The following LHFPL3 variants were observed in gnomAD, a reference collection of about 807,000 sequenced individuals.
LHFPL3 encodes the protein LHFPL tetraspan subfamily member 3 protein.
Under a neutral mutation model 19.3 loss-of-function variants are expected in LHFPL3, and 5 were observed. The observed-to-expected ratio is 0.26, with a 90% CI of 0.14 to 0.54. LHFPL3 has a LOEUF of 0.54. Among genes scored for constraint, LHFPL3 ranks in the 20% least tolerant of loss-of-function variants. LHFPL3 has a pLI of 0.94. For missense variants in LHFPL3, 249 were observed against 307.4 expected, an observed-to-expected ratio of 0.81 and a Z score of 1.42; for synonymous variants, 133 against 126.2, an observed-to-expected ratio of 1.05 and a Z score of -0.36.
intron 1 of LHFPL3, among the ~76,000 whole-genome samples, chr7:104,674,089 ATTTT>A (rs34190904): frequency 7.2e-6 from 1 of 139,648 alleles, no homozygotes; most frequent in Non-Finnish European, 1.6e-5. Context: ...TTGCTGCATG[ATTTT>A]TTTTTTTTTT....
chr7:104,404,419 C>T (rs1791376221), intron 1 of LHFPL3, among the ~76,000 whole-genome samples: 1 of 152,136 alleles, frequency 6.6e-6, no homozygotes, highest in South Asian at 2.1e-4. Context: ...TTATGCAATT[C>T]AGTAGAGATC....
intron 1 of LHFPL3, among the ~76,000 whole-genome samples, chr7:104,505,062 T>C (rs1793670871): frequency 6.6e-6 from 1 of 152,238 alleles, no homozygotes; most frequent in Non-Finnish European, 1.5e-5. Flanking sequence ...TATGTGTATA[T>C]ACATACTATG....
At chr7:104,825,498 G>A (rs1375072848) in intron 2 of LHFPL3, among the ~76,000 whole-genome samples, 4 of 151,824 alleles carry the variant, frequency 2.6e-5, no homozygotes, top group East Asian at 3.9e-4. Context: ...TAAAATTGGT[G>A]TAATAAAACC....
intron 1 of LHFPL3, among the ~76,000 whole-genome samples, chr7:104,658,985 G>T (rs569877522): frequency 6.6e-6 from 1 of 152,184 alleles, no homozygotes; most frequent in Non-Finnish European, 1.5e-5. Context: ...AGATCCTCAA[G>T]ATTGGCATGT....
intron 2 of LHFPL3, among the ~76,000 whole-genome samples, chr7:104,885,408 T>C (rs897118345): frequency 6.6e-6 from 1 of 152,208 alleles, no homozygotes; most frequent in African/African-American, 2.4e-5. Context: ...AATGGCCTAT[T>C]GTGGCTATCT....
intron 2 of LHFPL3, among the ~76,000 whole-genome samples, chr7:104,835,702 G>T (rs1791078890): frequency 6.6e-6 from 1 of 151,390 alleles, no homozygotes; most frequent in African/African-American, 2.4e-5. Context: ...ATTGAAAATG[G>T]CTCACTTCAC....
chr7:104,344,107 T>C (rs960613378), intron 1 of LHFPL3, among the ~76,000 whole-genome samples: 2 of 152,178 alleles, frequency 1.3e-5, no homozygotes, highest in Admixed American at 6.5e-5. Flanking sequence ...CCTGCATCTA[T>C]TGAAATGATC....
intron 1 of LHFPL3, among the ~76,000 whole-genome samples, chr7:104,504,794 G>T (rs1793665114): frequency 6.6e-6 from 1 of 152,110 alleles, no homozygotes; most frequent in South Asian, 2.1e-4. Flanking sequence ...ACTTACTCAG[G>T]TTACTATCTC....
intron 1 of LHFPL3, among the ~76,000 whole-genome samples, chr7:104,496,224 G>T (rs1035062852): frequency 2.6e-5 from 4 of 152,112 alleles, no homozygotes; most frequent in East Asian, 1.9e-4. Context: ...GCGGTGTTTG[G>T]TTTTTTGTCC....
intron 1 of LHFPL3, among the ~76,000 whole-genome samples, chr7:104,498,966 A>AT (rs943311158): frequency 1.5e-4 from 23 of 151,718 alleles, no homozygotes; most frequent in African/African-American, 4.4e-4. Flanking sequence ...ATGTTCAAAG[A>AT]TTTTTTTTTC....
At chr7:104,391,783 G>A (rs1210782585) in intron 1 of LHFPL3, among the ~76,000 whole-genome samples, 1 of 152,066 alleles carries the variant, frequency 6.6e-6, no homozygotes, top group African/African-American at 2.4e-5. Context: ...GGCAGTATGA[G>A]CATTTTCACA....
At chr7:104,813,636 G>T (rs1790515713) in intron 2 of LHFPL3, among the ~76,000 whole-genome samples, 1 of 152,202 alleles carries the variant, frequency 6.6e-6, no homozygotes, top group Non-Finnish European at 1.5e-5. Context: ...TGCACAGTCA[G>T]ACATGCTGGC....
intron 1 of LHFPL3, among the ~76,000 whole-genome samples, chr7:104,494,543 G>A (rs1273057066): frequency 6.6e-6 from 1 of 152,032 alleles, no homozygotes; most frequent in Non-Finnish European, 1.5e-5. Context: ...CTTCACCCAT[G>A]CTAAGAAAGA....
intron 2 of LHFPL3, chr7:104,785,923 T>C (rs1789902354): frequency 1.3e-5 from 2 of 152,428 alleles, no homozygotes; most frequent in South Asian, 4.1e-4. Flanking sequence ...CTGGCCCCCA[T>C]TGGTTCCACC....
chr7:104,812,101 T>C (rs769692173), intron 2 of LHFPL3, among the ~76,000 whole-genome samples: 1 of 152,184 alleles, frequency 6.6e-6, no homozygotes, highest in Non-Finnish European at 1.5e-5. Context: ...CCATGAGCCT[T>C]TCTGTTTGTT....
Position 104,514,571 on chromosome 7 carries a change from T to C in LHFPL3, c.445+185347T>C, listed in dbSNP as rs542887347. Among the ~76,000 whole-genome samples, 5 of 152,234 alleles carry C rather than the reference T, an allele frequency of 3.3e-5. No individual in the cohort carries two copies. The South Asian group carries it at 1.0e-3, about 32-fold the overall frequency. On this transcript the variant is annotated intron_variant, in intron 1 of 2. Coordinates refer to ENST00000424859, the MANE Select transcript of LHFPL3 (RefSeq NM_199000.3). Reference sequence around the variant, plus strand: ...CAGGGGTCAGCAGAGCTAGAAGATATAAAAAGCAGTTGGCTGGGAATGGTT... The same window carrying C: ...CAGGGGTCAGCAGAGCTAGAAGATACAAAAAGCAGTTGGCTGGGAATGGTT...
At chr7:104,513,018 C>G (rs925610285) in intron 1 of LHFPL3, among the ~76,000 whole-genome samples, 3 of 152,058 alleles carry the variant, frequency 2.0e-5, no homozygotes, top group African/African-American at 7.2e-5. Context: ...TTTCAGTGAC[C>G]TATGGAAGAC....
intron 1 of LHFPL3, among the ~76,000 whole-genome samples, chr7:104,331,189 C>G (rs1392275569): frequency 1.3e-5 from 2 of 152,138 alleles, no homozygotes; most frequent in African/African-American, 2.4e-5. Flanking sequence ...TTCTCCTTTT[C>G]TCTTTCTGGA....
At chr7:104,801,889 T>G (rs1256096666) in intron 2 of LHFPL3, among the ~76,000 whole-genome samples, 1 of 152,212 alleles carries the variant, frequency 6.6e-6, no homozygotes, top group Non-Finnish European at 1.5e-5. Context: ...GTTTTTTCAC[T>G]TTATGTTTCT....
Sources: allele counts gnomAD v4.1 joint callset (sites outside exome capture counted in the v4.1 genomes callset), GRCh38; gene constraint gnomAD v4.1.1; transcripts MANE v1.5; gene names NCBI Gene and HGNC (gene_info 2026-07-23, HGNC 2026-07-21).